PACRG: variants seen among roughly 807,000 people sequenced by gnomAD.
PACRG encodes the protein parkin coregulated gene protein.
A neutral mutation model predicts 29.7 loss-of-function variants in PACRG; 29 were observed. That is an observed-to-expected ratio of 0.98 (90% CI 0.73 to 1.33). The LOEUF is 1.33. Among genes scored for constraint, PACRG ranks in the 40% most tolerant of loss-of-function variants. The pLI, the probability that PACRG is intolerant of heterozygous loss-of-function variation, is 0.00. For synonymous variants in PACRG, 116 were observed against 118.7 expected, an observed-to-expected ratio of 0.98 and a Z score of 0.15; for missense variants, 279 against 316.2, an observed-to-expected ratio of 0.88 and a Z score of 0.89.
chr6:162,947,314 CAT>C (rs1460465930), intron 2 of PACRG, among the ~76,000 whole-genome samples: 1 of 58,798 alleles, frequency 1.7e-5, no homozygotes, highest in Admixed American at 1.8e-4. Flanking sequence ...TATATATAAT[CAT>C]ATATAATACA....
intron 4 of PACRG, among the ~76,000 whole-genome samples, chr6:163,279,999 C>T (rs1433071063): frequency 1.3e-5 from 2 of 152,216 alleles, no homozygotes; most frequent in Non-Finnish European, 2.9e-5. Context: ...TCATCCTTTG[C>T]ACTGGAAGCT....
chr6:163,204,874 C>G (rs1172091475), intron 4 of PACRG, among the ~76,000 whole-genome samples: 1 of 152,196 alleles, frequency 6.6e-6, no homozygotes, highest in Non-Finnish European at 1.5e-5. Context: ...AGCAAAGTTT[C>G]AGGATATAAA....
At chr6:162,896,771 A>G (rs989489557) in intron 2 of PACRG, among the ~76,000 whole-genome samples, 2 of 152,236 alleles carry the variant, frequency 1.3e-5, no homozygotes, top group African/African-American at 4.8e-5. Flanking sequence ...GCCTTTTAAT[A>G]TATTGGAACA....
At chr6:162,860,063 G>A (rs1351022232) in intron 2 of PACRG, among the ~76,000 whole-genome samples, 1 of 151,440 alleles carries the variant, frequency 6.6e-6, no homozygotes, top group Non-Finnish European at 1.5e-5. Context: ...GGTTTAGCAG[G>A]GAGGTGGGGG....
chr6:163,177,710 A>ATTTTTTTTTTTTT (rs398003265), intron 4 of PACRG, among the ~76,000 whole-genome samples: 1,815 of 53,726 alleles, frequency 0.034, 441 homozygotes, highest in Non-Finnish European at 0.038. Flanking sequence ...TAGAAAAGGG[A>ATTTTTTTTTTTTT]TTTTTTTTTT....
At chr6:163,127,761 T>C (rs1458477757) in intron 4 of PACRG, among the ~76,000 whole-genome samples, 3 of 152,218 alleles carry the variant, frequency 2.0e-5, no homozygotes, top group African/African-American at 7.2e-5. Context: ...TCTCACCATG[T>C]CATCAGGACA....
rs144298208 is a variant in PACRG at position 162,798,695 on chromosome 6, A to G, written c.157-15452A>G. Among the ~76,000 whole-genome samples, 501 of 152,304 alleles carry G rather than the reference A, an allele frequency of 3.3e-3. 1 individual carries two copies. Among genetic ancestry groups the G allele is most frequent in the South Asian group, 0.019 (90 of 4,832 alleles). On this transcript the variant is annotated intron_variant, in intron 1 of 4. Coordinates refer to ENST00000366888, the MANE Select transcript of PACRG (RefSeq NM_001080379.2). ...GGCTGTGAAGTGGGGCATTTGCTCA[A>G]CACCTCCTCTATTTCCTTTTGAAAG...
At chr6:163,031,933 T>C (rs1053342763) in intron 2 of PACRG, among the ~76,000 whole-genome samples, 14 of 152,236 alleles carry the variant, frequency 9.2e-5, no homozygotes, top group Admixed American at 6.5e-5. Context: ...AAGTCAAGTT[T>C]GACTCCTTAA....
chr6:162,982,933 A>G (rs188204282), intron 2 of PACRG, among the ~76,000 whole-genome samples: 28 of 152,092 alleles, frequency 1.8e-4, no homozygotes, highest in Non-Finnish European at 4.4e-5. Context: ...TGGTGTTGCC[A>G]TATATCTCAT....
chr6:162,782,010 T>G (rs953346128), intron 1 of PACRG, among the ~76,000 whole-genome samples: 4 of 151,880 alleles, frequency 2.6e-5, no homozygotes, highest in Non-Finnish European at 5.9e-5. Context: ...AACTGTATTC[T>G]GCCTACAAGA....
intron 4 of PACRG, among the ~76,000 whole-genome samples, chr6:163,161,373 G>A (rs901420169): frequency 6.6e-6 from 1 of 151,994 alleles, no homozygotes; most frequent in South Asian, 2.1e-4. Flanking sequence ...CTGTTGTTTG[G>A]TTTGGGTTTG....
chr6:163,164,074 A>G (rs78355110), intron 4 of PACRG, among the ~76,000 whole-genome samples: 6,354 of 152,230 alleles, frequency 0.042, 268 homozygotes, highest in East Asian at 0.1. Flanking sequence ...GAAGTTCTAC[A>G]AAGTTCCACA....
At chr6:162,941,955 G>A (rs1419168805) in intron 2 of PACRG, among the ~76,000 whole-genome samples, 1 of 152,070 alleles carries the variant, frequency 6.6e-6, no homozygotes, top group Non-Finnish European at 1.5e-5. Flanking sequence ...TATAATAAAT[G>A]TCCACTCACC....
chr6:162,979,604 T>C (rs6941873), intron 2 of PACRG, among the ~76,000 whole-genome samples: 62,599 of 151,860 alleles, frequency 0.41, 13,225 homozygotes, highest in East Asian at 0.7. Context: ...TTGTCCAGAC[T>C]ATGTTGTGAA....
At chr6:163,242,101 T>C (rs770135112) in intron 4 of PACRG, among the ~76,000 whole-genome samples, 1 of 152,228 alleles carries the variant, frequency 6.6e-6, no homozygotes, top group Non-Finnish European at 1.5e-5. Context: ...AGCTATAATT[T>C]GTTACTGTTT....
In PACRG at chr6:162,728,012, C is replaced by T; in HGVS notation, c.-224C>T. ...GAGGCTTACCTTTGGAAGCTTGTTG[C>T]AGCTCTAGCCAAGGTCCTGCCCTCT... On this transcript the variant is annotated 5_prime_UTR_variant, in exon 1 of 5. Transcript: ENST00000366888. 1 of 644,286 alleles carries T rather than the reference C, an allele frequency of 1.6e-6. No homozygotes were observed. The highest frequency in any genetic ancestry group is 1.9e-5 in the South Asian group (1 of 53,078). 39.9% of individuals were successfully genotyped at this position (644,286 alleles called of 1,614,324 possible).
At chr6:162,909,541 C>T (rs926002808) in intron 2 of PACRG, among the ~76,000 whole-genome samples, 11 of 128,254 alleles carry the variant, frequency 8.6e-5, no homozygotes, top group African/African-American at 2.7e-4. Flanking sequence ...GGTGACAGAG[C>T]GAGACTCCAT....
intron 2 of PACRG, among the ~76,000 whole-genome samples, chr6:162,975,519 T>C (rs780279999): frequency 2.0e-5 from 3 of 152,200 alleles, no homozygotes; most frequent in Non-Finnish European, 4.4e-5. Flanking sequence ...TTACAAAGCA[T>C]AAAGCACTCT....
intron 4 of PACRG, among the ~76,000 whole-genome samples, chr6:163,294,313 C>G (rs1476757445): frequency 6.6e-6 from 1 of 151,912 alleles, no homozygotes; most frequent in Non-Finnish European, 1.5e-5. Flanking sequence ...TATTTTGTAT[C>G]CCCTACAGAA....
Sources: gnomAD v4.1 joint callset for allele counts (sites outside exome capture counted in the v4.1 genomes callset) on GRCh38, gnomAD v4.1.1 for gene constraint, MANE v1.5 for transcripts, NCBI Gene and HGNC (gene_info 2026-07-23, HGNC 2026-07-21) for gene names.